DPYD: variants seen among roughly 807,000 people sequenced by gnomAD.
DPYD encodes dihydropyrimidine dehydrogenase.
A neutral mutation model predicts 116.2 loss-of-function variants in DPYD; 109 were observed. The observed-to-expected ratio is 0.94, with a 90% CI of 0.80 to 1.10. The LOEUF (loss-of-function observed/expected upper bound fraction) is 1.10. Ranked by LOEUF, DPYD falls within the 50% of genes least tolerant of loss-of-function variation. The probability of loss-of-function intolerance (pLI) is 0.00; values close to 1 mark genes in which losing one functional copy is unlikely to be tolerated. For synonymous variants in DPYD, 440 were observed against 432.0 expected (o/e 1.02, Z -0.23); for missense variants, 1,302 against 1,254.5 (o/e 1.04, Z -0.57).
chr1:97,424,410 GGAAACATA>G (rs1187722364), intron 14 of DPYD, among the ~76,000 whole-genome samples: 1 of 151,720 alleles, frequency 6.6e-6, no homozygotes, highest in African/African-American at 2.4e-5. Flanking sequence ...TACTGGGAAA[GGAAACATA>G]GACACACTGT....
chr1:97,193,487 G>T (rs1024889475), intron 19 of DPYD, among the ~76,000 whole-genome samples: 3 of 152,078 alleles, frequency 2.0e-5, no homozygotes, highest in African/African-American at 7.2e-5. Context: ...GGTGTCACAG[G>T]TATATACATG....
chr1:97,161,813 C>T (rs1165253546), intron 20 of DPYD, among the ~76,000 whole-genome samples: 5 of 145,636 alleles, frequency 3.4e-5, no homozygotes, highest in African/African-American at 5.1e-5. Context: ...TGAGTGAGAA[C>T]ATGGGGTGTT....
intron 18 of DPYD, among the ~76,000 whole-genome samples, chr1:97,246,346 G>A (rs1662718816): frequency 6.6e-6 from 1 of 152,114 alleles, no homozygotes; most frequent in African/African-American, 2.4e-5. Flanking sequence ...GACAACCCAT[G>A]TTCACATGCC....
chr1:97,108,492 A>G (rs779672458), intron 20 of DPYD, among the ~76,000 whole-genome samples: 3 of 152,172 alleles, frequency 2.0e-5, no homozygotes, highest in Non-Finnish European at 2.9e-5. Context: ...CTACTTAACT[A>G]TAGAACATTC....
chr1:97,439,041 A>C (rs1675613734), intron 14 of DPYD, among the ~76,000 whole-genome samples: 1 of 152,086 alleles, frequency 6.6e-6, no homozygotes, highest in Non-Finnish European at 1.5e-5. Context: ...CAAGTTAAGG[A>C]ATTTTCCTAC....
chr1:97,541,270 A>C (rs1235961508), intron 12 of DPYD, among the ~76,000 whole-genome samples: 4 of 152,230 alleles, frequency 2.6e-5, no homozygotes, highest in Non-Finnish European at 5.9e-5. Flanking sequence ...TTAATTAGTT[A>C]TATGGATGCA....
chr1:97,879,484 G>A (rs1672080659), intron 2 of DPYD, among the ~76,000 whole-genome samples: 1 of 151,760 alleles, frequency 6.6e-6, no homozygotes, highest in South Asian at 2.1e-4. Context: ...ATGTAATTAG[G>A]ATAGTTCAAC....
chr1:97,577,296 C>G (rs1292678609), intron 10 of DPYD, among the ~76,000 whole-genome samples: 2 of 152,174 alleles, frequency 1.3e-5, no homozygotes, highest in Non-Finnish European at 2.9e-5. Flanking sequence ...GCTCCCTGAT[C>G]ACCACATCCC....
chr1:97,740,926 C>T (rs1411301327), intron 3 of DPYD, among the ~76,000 whole-genome samples: 1 of 152,148 alleles, frequency 6.6e-6, no homozygotes, highest in African/African-American at 2.4e-5. Flanking sequence ...TTCCACTCTT[C>T]CTTCCTCCCA....
chr1:97,640,250 T>A (rs546233431), intron 8 of DPYD, among the ~76,000 whole-genome samples: 1 of 152,120 alleles, frequency 6.6e-6, no homozygotes, highest in Non-Finnish European at 1.5e-5. Flanking sequence ...GATTTTTTTT[T>A]ATTATTGCTT....
chr1:97,255,973 T>C (rs1230665794), intron 18 of DPYD, among the ~76,000 whole-genome samples: 1 of 152,110 alleles, frequency 6.6e-6, no homozygotes, highest in Non-Finnish European at 1.5e-5. Context: ...CTCTCCTTTA[T>C]AAACAAGATC....
At position 97,206,654 on chromosome 1, in the gene DPYD, A is replaced by G. The variant is rs1205803929; in HGVS notation, c.2443-13406T>C. ...AGGGAGATTTTATATATATATATAT[A>G]TATATATATATATATATATATATAT... On this transcript the variant is annotated intron_variant, in intron 19 of 22. Transcript: ENST00000370192. Among the ~76,000 whole-genome samples, 580 of 74,954 alleles carry G rather than the reference A, an allele frequency of 7.7e-3. 13 individuals are homozygous for G. Among genetic ancestry groups the G allele is most frequent in the African/African-American group, 0.058 (558 of 9,664 alleles). The allele number at this position is 74,954 out of a possible 152,430, so 49.2% of individuals were successfully genotyped here.
At chr1:97,082,742 C>A (rs1309296238) in intron 21 of DPYD, among the ~76,000 whole-genome samples, 1 of 152,058 alleles carries the variant, frequency 6.6e-6, no homozygotes, top group Non-Finnish European at 1.5e-5. Flanking sequence ...TTTAAAACAG[C>A]ATTTCTGTGG....
chr1:97,676,333 A>G (rs2100909943), intron 8 of DPYD, among the ~76,000 whole-genome samples: 1 of 152,252 alleles, frequency 6.6e-6, no homozygotes, highest in African/African-American at 2.4e-5. Context: ...AGACAATGAG[A>G]TGAAAGAAGA....
At chr1:97,725,644 C>A (rs1449599236) in intron 4 of DPYD, among the ~76,000 whole-genome samples, 1 of 151,596 alleles carries the variant, frequency 6.6e-6, no homozygotes, top group Admixed American at 6.6e-5. Context: ...AAAGCCTTCA[C>A]ATTTATGTTC....
At chr1:97,838,571 C>T (rs1325680707) in intron 2 of DPYD, among the ~76,000 whole-genome samples, 1 of 152,156 alleles carries the variant, frequency 6.6e-6, no homozygotes, top group Non-Finnish European at 1.5e-5. Context: ...CTTGGCCGGG[C>T]GCGGTGGCTC....
chr1:97,562,481 A>C (rs1652219781), intron 11 of DPYD, among the ~76,000 whole-genome samples: 1 of 152,224 alleles, frequency 6.6e-6, no homozygotes, highest in Non-Finnish European at 1.5e-5. Flanking sequence ...AAAGAGCTTT[A>C]GAATTACAAA....
intron 16 of DPYD, among the ~76,000 whole-genome samples, chr1:97,317,729 T>A (rs926451678): frequency 6.6e-6 from 1 of 151,954 alleles, no homozygotes; most frequent in Non-Finnish European, 1.5e-5. Context: ...CATTCTGCCC[T>A]GGAGCACCCA....
intron 14 of DPYD, among the ~76,000 whole-genome samples, chr1:97,416,359 G>A (rs1486507555): frequency 6.6e-6 from 1 of 152,164 alleles, no homozygotes; most frequent in Admixed American, 6.5e-5. Context: ...GATAGGTAAA[G>A]GAAATGTATC....
Sources: allele counts gnomAD v4.1 joint callset (sites outside exome capture counted in the v4.1 genomes callset), GRCh38; gene constraint gnomAD v4.1.1; transcripts MANE v1.5; gene names NCBI Gene and HGNC (gene_info 2026-07-23, HGNC 2026-07-21).